Variants in DNM2 observed in about 807,000 individuals in gnomAD.
DNM2 encodes the protein dynamin-2.
A neutral mutation model predicts 99.0 loss-of-function variants in DNM2; 15 were observed. The ratio of observed to expected loss-of-function variants is 0.15; its 90% CI spans 0.10 to 0.23. The LOEUF (loss-of-function observed/expected upper bound fraction) is 0.23. Ranked by LOEUF, DNM2 falls within the 10% of genes least tolerant of loss-of-function variation. The pLI, the probability that DNM2 is intolerant of heterozygous loss-of-function variation, is 1.00. For missense variants in DNM2, 742 were observed against 1,189.4 expected, an observed-to-expected ratio of 0.62 and a Z score of 5.53; for synonymous variants, 525 against 481.2, an observed-to-expected ratio of 1.09 and a Z score of -1.19.
intron 12 of DNM2, among the ~76,000 whole-genome samples, chr19:10,805,560 G>T (rs191454772): frequency 1.3e-5 from 2 of 152,268 alleles, no homozygotes; most frequent in Admixed American, 1.3e-4. Flanking sequence ...ACTTGAGCCC[G>T]GGAGGGTCAA....
chr19:10,819,906 T>G (rs866790690), intron 15 of DNM2, 74 bp from the exon 16 acceptor site: 1 of 1,408,216 alleles, frequency 7.1e-7, no homozygotes, highest in Middle Eastern at 1.8e-4. Context: ...TGGCGCATGC[T>G]ACACGCTCTG....
rs986935605 is a variant in DNM2, at chr19:10,772,427, G to T, written c.236-52G>T. On this transcript the variant is annotated intron_variant, in intron 2 of 20. Transcript: ENST00000389253. This position sits in a 1 kb window ranked among gnomAD's most constrained non-coding sequence, Gnocchi z 4.9. Reference sequence around the variant, plus strand: ...AAGCATTTCTCCCCGCAGTCCATGCGCACCCTGCCCACAGCTCTTTCTCAT... The same window carrying T: ...AAGCATTTCTCCCCGCAGTCCATGCTCACCCTGCCCACAGCTCTTTCTCAT... 2.4e-5 allele frequency: 39 copies of T among 1,608,850 alleles called. No homozygotes were observed. Among genetic ancestry groups the T allele is most frequent in the East Asian group, 4.5e-5 (2 of 44,836 alleles).
chr19:10,782,310 A>G (rs1187459456), intron 5 of DNM2, among the ~76,000 whole-genome samples: 2 of 151,742 alleles, frequency 1.3e-5, no homozygotes, highest in Non-Finnish European at 2.9e-5. Flanking sequence ...TTGGAATTAC[A>G]GGCGTGAGCC....
At chr19:10,719,967 C>A (rs1327894236) in intron 1 of DNM2, among the ~76,000 whole-genome samples, 1 of 152,008 alleles carries the variant, frequency 6.6e-6, no homozygotes, top group Non-Finnish European at 1.5e-5. Flanking sequence ...TCATTGCCTT[C>A]TGTCTACCGT....
In DNM2 at chr19:10,831,015, A is replaced by T. The variant is rs765477689; in HGVS notation, c.2581A>T (p.Ile861Phe). 2.5e-6 allele frequency: 4 copies of T among 1,610,646 alleles called. No individual in the cohort carries two copies. In the Admixed American group the frequency reaches 6.7e-5, roughly 27 times the overall value. Residue 861 changes from isoleucine to phenylalanine, a missense_variant, in exon 21 of 21, where the codon ATC becomes TTC. Physicochemically the swap from Ile to Phe is conservative, Grantham distance 21. Around this residue, in one of 7 missense-constraint regions of DNM2, gnomAD observed 187 missense variants for 218.8 expected, o/e 0.85. Coordinates refer to ENST00000389253, the MANE Select transcript of DNM2 (RefSeq NM_001005361.3). The surrounding 1 kb of genome is among the most constrained non-coding windows in gnomAD (Gnocchi z 4.3). The stretch of plus-strand genomic sequence containing the variant: ...TGCTGCGCCCAGCCGGCCCACCATT[A>T]TCCGCCCAGCCGAGCCATCCCTGCT... ...PPAAPSRPTIIRPAEPSLLD is the reference protein window; with the variant it reads ...PPAAPSRPTIFRPAEPSLLD
chr19:10,771,748 C>T (rs2070988163), intron 2 of DNM2, among the ~76,000 whole-genome samples: 2 of 152,214 alleles, frequency 1.3e-5, no homozygotes, highest in African/African-American at 4.8e-5. Flanking sequence ...CTGGTGCTTC[C>T]TCTTCTGTTC....
Position 10,784,819 on chromosome 19 carries a change from A to ATTTTTTTTTTTTTTTTTTTTTT in DNM2, c.849+1700_849+1721dup, listed in dbSNP as rs35575438. Among the ~76,000 whole-genome samples the ATTTTTTTTTTTTTTTTTTTTTT allele has an allele frequency of 7.0e-5, 7 of 99,464 alleles. 3 individuals are homozygous for ATTTTTTTTTTTTTTTTTTTTTT. The highest frequency in any genetic ancestry group is 3.7e-5 in the Non-Finnish European group (2 of 53,746). The allele number at this position is 99,464 out of a possible 152,430, so 65.3% of individuals were successfully genotyped here. A position where few individuals can be genotyped will look rare whatever the true frequency, so the allele number is the denominator to read the frequency against. ...GTATTTATTTTTTATTTTTTTGATG[A>ATTTTTTTTTTTTTTTTTTTTTT]TTTTTTTTTTTTTTTTTTTTTTGAG... On this transcript the variant is annotated intron_variant, in intron 6 of 20. Transcript: ENST00000389253.
At chr19:10,732,299 GAAA>G (rs1161253585) in intron 1 of DNM2, among the ~76,000 whole-genome samples, 4,007 of 90,952 alleles carry the variant, frequency 0.044, 54 homozygotes, top group South Asian at 0.13. Flanking sequence ...TCGTTGTGGA[GAAA>G]AAAAAAAAAA....
chr19:10,788,306 G>C (rs565459090), intron 7 of DNM2, among the ~76,000 whole-genome samples: 3 of 152,272 alleles, frequency 2.0e-5, no homozygotes, highest in Admixed American at 6.5e-5. Flanking sequence ...CAGGAGCCGT[G>C]TGGGATTAAG....
chr19:10,748,483 C>T (rs1252221327), intron 1 of DNM2, among the ~76,000 whole-genome samples: 1 of 152,224 alleles, frequency 6.6e-6, no homozygotes, highest in East Asian at 1.9e-4. Context: ...CTGTGTGGGC[C>T]GAGCACTGTA....
At chr19:10,819,959 C>T in intron 15 of DNM2, 21 bp from the exon 16 acceptor site, 1 of 1,612,550 alleles carries the variant, frequency 6.2e-7, no homozygotes, top group South Asian at 1.1e-5. Context: ...CTCAGGGTGA[C>T]TCTTTTCCCT....
Position 10,808,553 on chromosome 19 carries a change from C to A in DNM2, c.1546-16C>A, listed in dbSNP as rs375554484. ...TTCCCTGATTTACCCACAACCCTAA[C>A]TTTGCATATTCAAAGGGGGAGATCC... On this transcript the variant is annotated splice_polypyrimidine_tract_variant and intron_variant, in intron 13 of 20. Transcript: ENST00000389253. The A allele has an allele frequency of 6.2e-7, 1 of 1,612,048 alleles. No homozygotes were observed. The highest frequency in any genetic ancestry group is 1.7e-5 in the Admixed American group (1 of 59,780).
chr19:10,808,162 A>G (rs1161076053), intron 13 of DNM2, among the ~76,000 whole-genome samples: 1 of 151,410 alleles, frequency 6.6e-6, no homozygotes, highest in Non-Finnish European at 1.5e-5. Flanking sequence ...AAAAAGAAAG[A>G]AAGAAAAGGA....
intron 5 of DNM2, among the ~76,000 whole-genome samples, chr19:10,780,778 C>T (rs2071340954): frequency 6.6e-6 from 1 of 151,928 alleles, no homozygotes; most frequent in Non-Finnish European, 1.5e-5. Context: ...AAAAAATTAT[C>T]CAGGCTGGGC....
intron 12 of DNM2, 107 bp from the exon 13 acceptor site, chr19:10,805,809 G>C: frequency 1.4e-6 from 2 of 1,421,344 alleles, no homozygotes; most frequent in South Asian, 1.2e-5. Context: ...GCCTCTACCT[G>C]TGGCTGCTCA....
Position 10,796,819 on chromosome 19 carries a change from C to T in DNM2, c.1197-561C>T, listed in dbSNP as rs377170980. On this transcript the variant is annotated intron_variant, in intron 9 of 20. Transcript: ENST00000389253. The surrounding 1 kb of genome is among the most constrained non-coding windows in gnomAD (Gnocchi z 5.6). ...GCCACTGCCTCCACTCAGCAGGACG[C>T]GCCGGGCTCCCCCAACCCGCGCCAA... Among the ~76,000 whole-genome samples, 9 of 152,090 alleles carry T rather than the reference C, an allele frequency of 5.9e-5. No individual in the cohort carries two copies. Among genetic ancestry groups the T allele is most frequent in the Non-Finnish European group, 8.8e-5 (6 of 68,028 alleles).
At chr19:10,721,987 C>T (rs1247324604) in intron 1 of DNM2, among the ~76,000 whole-genome samples, 3 of 152,148 alleles carry the variant, frequency 2.0e-5, no homozygotes, top group South Asian at 2.1e-4. Context: ...CTGTGCGACT[C>T]GGCCACGTGG....
chr19:10,794,680 T>G (rs897796277), intron 8 of DNM2, among the ~76,000 whole-genome samples: 2 of 151,476 alleles, frequency 1.3e-5, no homozygotes, highest in Non-Finnish European at 1.5e-5. Flanking sequence ...AGGCAGAGGA[T>G]GCAGCAATGA....
At chr19:10,793,033 G>A (rs1332261735) in intron 7 of DNM2, among the ~76,000 whole-genome samples, 2 of 152,106 alleles carry the variant, frequency 1.3e-5, no homozygotes, top group Admixed American at 6.6e-5. Context: ...ATGAGCCACC[G>A]CACCCGGCCA....
Sources: allele counts gnomAD v4.1 joint callset (sites outside exome capture counted in the v4.1 genomes callset), GRCh38; gene constraint gnomAD v4.1.1; regional missense constraint gnomAD v4.1.1; non-coding constraint Gnocchi (gnomAD v3.1); transcripts MANE v1.5; gene names NCBI Gene and HGNC (gene_info 2026-07-23, HGNC 2026-07-21).